The following ARID5B variants were observed in gnomAD, a reference collection of about 807,000 sequenced individuals.
The protein encoded by ARID5B is AT-rich interaction domain 5B, also known as AT-rich interactive domain-containing protein 5B.
A neutral mutation model predicts 97.2 loss-of-function variants in ARID5B; 13 were observed. That is an observed-to-expected ratio of 0.13 (90% CI 0.09 to 0.21). ARID5B has a LOEUF of 0.21. Ranked by LOEUF, ARID5B falls within the 10% of genes least tolerant of loss-of-function variation. The pLI is 1.00. For synonymous variants in ARID5B, 556 were observed against 570.3 expected (o/e 0.97, Z 0.36); for missense variants, 1,210 against 1,465.3 (o/e 0.83, Z 2.84).
At chr10:62,030,683 AT>A (rs1839485355) in intron 4 of ARID5B, among the ~76,000 whole-genome samples, 1 of 152,238 alleles carries the variant, frequency 6.6e-6, no homozygotes, top group Non-Finnish European at 1.5e-5. Flanking sequence ...AAGGAGGGAA[AT>A]ATTTTAAGTG....
intron 8 of ARID5B, among the ~76,000 whole-genome samples, chr10:62,083,037 C>T (rs754114207): frequency 1.3e-5 from 2 of 151,944 alleles, no homozygotes; most frequent in Non-Finnish European, 2.9e-5. Context: ...AAAAAACACT[C>T]GGTTGACCTT....
At chr10:61,932,596 G>A (rs1321073760) in intron 2 of ARID5B, among the ~76,000 whole-genome samples, 1 of 151,916 alleles carries the variant, frequency 6.6e-6, no homozygotes, top group Non-Finnish European at 1.5e-5. Flanking sequence ...CTGTTGAGAT[G>A]CAGTTTCGCC....
At chr10:61,937,784 C>T (rs180943583) in intron 2 of ARID5B, among the ~76,000 whole-genome samples, 32 of 152,242 alleles carry the variant, frequency 2.1e-4, no homozygotes, top group Admixed American at 5.2e-4. Flanking sequence ...ATAGTAAATG[C>T]GAACATGTGA....
chr10:62,069,551 C>A, intron 7 of ARID5B, 149 bp from the exon 8 acceptor site: 2 of 659,376 alleles, frequency 3.0e-6, no homozygotes, highest in Non-Finnish European at 5.3e-6. Context: ...ACTATGAAAC[C>A]ATAAATCACC....
chr10:61,952,843 GGT>G (rs59658634), intron 3 of ARID5B, among the ~76,000 whole-genome samples: 9,546 of 147,476 alleles, frequency 0.065, 481 homozygotes, highest in African/African-American at 0.14. Flanking sequence ...TGGTGTTATA[GGT>G]GTGTGTGTGT....
intron 4 of ARID5B, among the ~76,000 whole-genome samples, chr10:62,031,245 G>C (rs535174972): frequency 6.6e-6 from 1 of 152,160 alleles, no homozygotes; most frequent in Non-Finnish European, 1.5e-5. Flanking sequence ...AAAAAAGAGA[G>C]TAAATCTGAT....
intron 2 of ARID5B, among the ~76,000 whole-genome samples, chr10:61,928,488 A>G (rs982645132): frequency 6.6e-6 from 1 of 151,834 alleles, no homozygotes; most frequent in African/African-American, 2.4e-5. Flanking sequence ...TTTTGTAGAG[A>G]TTGGGTTTTG....
At chr10:62,024,552 G>A (rs1034618946) in intron 4 of ARID5B, 2 of 368,416 alleles carry the variant, frequency 5.4e-6, no homozygotes, top group Non-Finnish European at 4.9e-6. Flanking sequence ...TGGGTCAAAT[G>A]TTTCCTGATT....
At chr10:62,002,141 G>A (rs1418662014) in intron 4 of ARID5B, among the ~76,000 whole-genome samples, 1 of 152,180 alleles carries the variant, frequency 6.6e-6, no homozygotes, top group African/African-American at 2.4e-5. Context: ...GGAAAAAAAT[G>A]TTTTAACCTT....
chr10:62,015,194 A>C (rs1432889102), intron 4 of ARID5B, among the ~76,000 whole-genome samples: 1 of 152,228 alleles, frequency 6.6e-6, no homozygotes, highest in Non-Finnish European at 1.5e-5. Flanking sequence ...TAAATACTTC[A>C]GCGAAAGGCT....
chr10:62,085,260 G>T (rs1840265658), intron 8 of ARID5B, among the ~76,000 whole-genome samples: 1 of 152,210 alleles, frequency 6.6e-6, no homozygotes, highest in Non-Finnish European at 1.5e-5. Context: ...TAAGCTTCAT[G>T]AGCTCAGAGG....
chr10:62,023,200 G>C (rs746001466), intron 4 of ARID5B, among the ~76,000 whole-genome samples: 3 of 152,138 alleles, frequency 2.0e-5, no homozygotes, highest in Admixed American at 6.5e-5. Flanking sequence ...TGCTTGGTTA[G>C]CAAATAGCTG....
chr10:62,084,096 A>G (rs1349348545), intron 8 of ARID5B, among the ~76,000 whole-genome samples: 2 of 152,200 alleles, frequency 1.3e-5, no homozygotes, highest in Non-Finnish European at 1.5e-5. Flanking sequence ...GAAGATAACT[A>G]TTCCCCATGG....
chr10:62,091,364 G>T lies in ARID5B; in HGVS notation c.1901G>T (p.Gly634Val). The T allele has an allele frequency of 3.1e-6, 5 of 1,614,160 alleles. No homozygotes were observed. Among genetic ancestry groups the T allele is most frequent in the Non-Finnish European group, 4.2e-6 (5 of 1,180,016 alleles). ...ANCTVKVDQL[G>V]SDDIHNALKQ... ...TGCACCGTGAAGGTGGACCAGCTGG[G>T]CAGTGACGACATCCACAATGCGCTC... The change falls in exon 10 of 10, where the codon GGC becomes GTC. Residue 634 changes from glycine (G) to valine (V), a missense_variant. Around this residue, in one of 8 missense-constraint regions of ARID5B, gnomAD observed 800 missense variants for 839.1 expected, o/e 0.95. Coordinates refer to ENST00000279873, the MANE Select transcript of ARID5B (RefSeq NM_032199.3).
intron 3 of ARID5B, among the ~76,000 whole-genome samples, chr10:61,985,896 C>T (rs538587130): frequency 6.6e-6 from 1 of 152,156 alleles, no homozygotes; most frequent in Admixed American, 6.5e-5. Context: ...GTGCAATGGT[C>T]ATCTGTTTTT....
chr10:61,936,842 TTCCCCAAAA>T (rs1844312213), intron 2 of ARID5B, among the ~76,000 whole-genome samples: 1 of 34,724 alleles, frequency 2.9e-5, no homozygotes, highest in Non-Finnish European at 6.5e-5. Context: ...CCTTTTTTTC[TTCCCCAAAA>T]AAAAAAAAAA....
intron 3 of ARID5B, among the ~76,000 whole-genome samples, chr10:61,995,307 C>T (rs1211722708): frequency 6.6e-6 from 1 of 152,114 alleles, no homozygotes; most frequent in Non-Finnish European, 1.5e-5. Context: ...TTATTGGCAG[C>T]CCTTGTTTCA....
rs189977350 is a variant in ARID5B, at chr10:62,079,254, G to A, written c.1200-6448G>A. ...TGAGATGAAGATAGCTGGACTAGCA[G>A]AGGCAGGCAGTTTGGTGGTCGAACT... On this transcript the variant is annotated intron_variant, in intron 8 of 9. Coordinates refer to ENST00000279873, the MANE Select transcript of ARID5B (RefSeq NM_032199.3). 3.7e-3 allele frequency among the ~76,000 whole-genome samples: 544 copies of A among 148,940 alleles called. 4 individuals are homozygous for A. Among genetic ancestry groups the A allele is most frequent in the Non-Finnish European group, 3.8e-3 (254 of 66,452 alleles).
chr10:61,992,948 T>C (rs1348915627), intron 3 of ARID5B, among the ~76,000 whole-genome samples: 1 of 152,224 alleles, frequency 6.6e-6, no homozygotes, highest in Non-Finnish European at 1.5e-5. Context: ...ATGTGTAATT[T>C]ACGTCACAGT....
Sources: allele counts gnomAD v4.1 joint callset (sites outside exome capture counted in the v4.1 genomes callset), GRCh38; gene constraint gnomAD v4.1.1; regional missense constraint gnomAD v4.1.1; transcripts MANE v1.5; gene names NCBI Gene and HGNC (gene_info 2026-07-23, HGNC 2026-07-21).